SLIT1: variants seen among roughly 807,000 people sequenced by gnomAD.
The protein encoded by SLIT1 is slit guidance ligand 1.
In SLIT1, 66 loss-of-function variants were observed where a neutral mutation model predicts 186.1. The ratio of observed to expected loss-of-function variants is 0.35; its 90% CI spans 0.29 to 0.44. The LOEUF (loss-of-function observed/expected upper bound fraction) is 0.44, where lower values mean the gene tolerates loss of function less well. Ranked by LOEUF, SLIT1 falls within the 20% of genes least tolerant of loss-of-function variation. The probability of loss-of-function intolerance (pLI) is 1.00; values close to 1 mark genes in which losing one functional copy is unlikely to be tolerated. For missense variants in SLIT1, 1,638 were observed against 2,037.4 expected (o/e 0.80, Z 3.77); for synonymous variants, 761 against 833.8 (o/e 0.91, Z 1.50).
rs189048623 is a variant in SLIT1, at chr10:97,100,474, A to G, written c.414-34388T>C. 5.4e-3 allele frequency among the ~76,000 whole-genome samples: 825 copies of G among 152,180 alleles called. 1 individual carries two copies. Among genetic ancestry groups the G allele is most frequent in the Middle Eastern group, 0.01 (3 of 294 alleles). The stretch of plus-strand genomic sequence containing the variant: ...CGCTGTCTCTACAAAAAATACAAAA[A>G]AAAGAAAAAAAATTAGCCAGGCATG... On this transcript the variant is annotated intron_variant, in intron 4 of 36. Coordinates refer to ENST00000266058, the MANE Select transcript of SLIT1 (RefSeq NM_003061.3).
At chr10:97,167,828 AG>A (rs1301862308) in intron 1 of SLIT1, among the ~76,000 whole-genome samples, 1 of 152,228 alleles carries the variant, frequency 6.6e-6, no homozygotes, top group Admixed American at 6.5e-5. Context: ...GGTTTTAAAA[AG>A]GGCAGTTCTC....
chr10:97,063,408 G>T, intron 8 of SLIT1, 47 bp downstream of exon 8: 1 of 1,603,318 alleles, frequency 6.2e-7, no homozygotes, highest in Non-Finnish European at 8.5e-7. Flanking sequence ...AAGAGGCAGG[G>T]CAGGAGGCGC....
In SLIT1 at chr10:97,043,104, T is replaced by G. The variant is rs1276597646; in HGVS notation, c.1998-37A>C. On this transcript the variant is annotated intron_variant, in intron 19 of 36. Transcript: ENST00000266058. The surrounding 1 kb of genome is among the most constrained non-coding windows in gnomAD (Gnocchi z 7.0). The stretch of plus-strand genomic sequence containing the variant: ...AGGCCAGGCGGCCATGGAGACACTC[T>G]GCCCCTCTCAGAGGTCCCAGCAAAC... 6.2e-7 allele frequency: 1 copy of G among 1,601,674 alleles called. No individual in the cohort carries two copies. The highest frequency in any genetic ancestry group is 2.2e-5 in the East Asian group (1 of 44,768).
chr10:97,016,405 T>G (rs1348359872), intron 28 of SLIT1, among the ~76,000 whole-genome samples: 1 of 152,228 alleles, frequency 6.6e-6, no homozygotes, highest in African/African-American at 2.4e-5. Context: ...TTAATTTATT[T>G]TTTTATTTTA....
intron 1 of SLIT1, among the ~76,000 whole-genome samples, chr10:97,185,200 T>C (rs1850394516): frequency 6.6e-6 from 1 of 152,290 alleles, no homozygotes; most frequent in South Asian, 2.1e-4. Flanking sequence ...GCTGGCGCAG[T>C]GAGGAGGGCC....
chr10:97,010,861 G>A lies in SLIT1; in HGVS notation c.3341+132C>T, dbSNP rs1345330989. The A allele has an allele frequency of 1.1e-5, 9 of 831,666 alleles. No individual in the cohort carries two copies. Among genetic ancestry groups the A allele is most frequent in the African/African-American group, 1.0e-4 (6 of 58,156 alleles). The allele number at this position is 831,666 out of a possible 1,614,324, so 51.5% of individuals were successfully genotyped here. On this transcript the variant is annotated intron_variant, in intron 31 of 36. Transcript: ENST00000266058. This position sits in a 1 kb window ranked among gnomAD's most constrained non-coding sequence, Gnocchi z 4.8. Reference sequence around the variant, plus strand: ...CACAGCTGGTGACTGGCAGAGCCACGGTTAAAACCCCAGCATCCAACTTCC... The same window carrying A: ...CACAGCTGGTGACTGGCAGAGCCACAGTTAAAACCCCAGCATCCAACTTCC...
chr10:97,034,145 G>A (rs1401132525), intron 23 of SLIT1, among the ~76,000 whole-genome samples: 4 of 152,320 alleles, frequency 2.6e-5, no homozygotes, highest in Admixed American at 6.5e-5. Flanking sequence ...GATTATAGGC[G>A]TGAGCCACTG....
intron 4 of SLIT1, among the ~76,000 whole-genome samples, chr10:97,138,649 GT>G (rs143674794): frequency 0.22 from 12,999 of 58,934 alleles, 689 homozygotes; most frequent in East Asian, 0.42. Flanking sequence ...GTAGGAAACT[GT>G]TTTTTTTTTT....
intron 4 of SLIT1, among the ~76,000 whole-genome samples, chr10:97,122,928 AT>A (rs773294887): frequency 2.6e-5 from 4 of 152,132 alleles, no homozygotes; most frequent in Non-Finnish European, 5.9e-5. Context: ...CTTGAGGCTC[AT>A]CCCCTCCAGC....
chr10:97,159,635 G>A (rs1219649964), intron 3 of SLIT1, among the ~76,000 whole-genome samples: 1 of 152,294 alleles, frequency 6.6e-6, no homozygotes. Context: ...TCCACATGGC[G>A]AGGGACATGA....
chr10:97,160,004 A>G (rs1167973010), intron 3 of SLIT1, among the ~76,000 whole-genome samples: 1 of 152,186 alleles, frequency 6.6e-6, no homozygotes, highest in Non-Finnish European at 1.5e-5. Context: ...ACTGAATGGT[A>G]GATGTGGGAT....
chr10:97,089,791 T>A (rs1434462762), intron 4 of SLIT1, among the ~76,000 whole-genome samples: 1 of 152,012 alleles, frequency 6.6e-6, no homozygotes, highest in Admixed American at 6.6e-5. Context: ...GTCTCGTACA[T>A]CACAAATCCA....
intron 25 of SLIT1, among the ~76,000 whole-genome samples, chr10:97,023,693 A>G (rs1304751826): frequency 6.6e-6 from 1 of 152,218 alleles, no homozygotes; most frequent in African/African-American, 2.4e-5. Flanking sequence ...CTGTAATCGC[A>G]GCACTGTGGG....
chr10:97,098,712 C>A (rs112012961), intron 4 of SLIT1, among the ~76,000 whole-genome samples: 50 of 152,276 alleles, frequency 3.3e-4, no homozygotes, highest in African/African-American at 1.0e-3. Flanking sequence ...GAAGATGACA[C>A]CTAGCACCAA....
intron 25 of SLIT1, among the ~76,000 whole-genome samples, chr10:97,024,987 A>G (rs925213712): frequency 6.6e-6 from 1 of 152,218 alleles, no homozygotes; most frequent in Non-Finnish European, 1.5e-5. Flanking sequence ...ATATGGGTGC[A>G]GGCCAGGAGC....
rs186505403 is a variant in SLIT1 at position 97,166,362 on chromosome 10, A to C, written c.198-1472T>G. Among the ~76,000 whole-genome samples, 346 of 151,644 alleles carry C rather than the reference A, an allele frequency of 2.3e-3. 2 individuals are homozygous for C. Among genetic ancestry groups the C allele is most frequent in the African/African-American group, 8.1e-3 (335 of 41,286 alleles). ...AAACCCCGTCTCTACTAAAAATACA[A>C]AAAAATTATCGGGCATGGTGGCAGG... On this transcript the variant is annotated intron_variant, in intron 1 of 36. Transcript: ENST00000266058.
chr10:97,092,186 A>G (rs1186095462), intron 4 of SLIT1, among the ~76,000 whole-genome samples: 1 of 152,242 alleles, frequency 6.6e-6, no homozygotes, highest in Non-Finnish European at 1.5e-5. Flanking sequence ...CTGAGGCCTC[A>G]AGAGTGGGCT....
At chr10:97,092,414 G>C (rs1849241752) in intron 4 of SLIT1, among the ~76,000 whole-genome samples, 2 of 152,216 alleles carry the variant, frequency 1.3e-5, no homozygotes, top group Non-Finnish European at 2.9e-5. Context: ...GTGAATATGA[G>C]AACAATGTGA....
intron 4 of SLIT1, among the ~76,000 whole-genome samples, chr10:97,083,070 C>A (rs1025749805): frequency 2.0e-5 from 3 of 151,988 alleles, no homozygotes; most frequent in Admixed American, 2.0e-4. Context: ...TGGGCACACC[C>A]CCACCATGCT....
Sources: allele counts gnomAD v4.1 joint callset (sites outside exome capture counted in the v4.1 genomes callset), GRCh38; gene constraint gnomAD v4.1.1; non-coding constraint Gnocchi (gnomAD v3.1); transcripts MANE v1.5; gene names NCBI Gene and HGNC (gene_info 2026-07-23, HGNC 2026-07-21).